The following ARMH3 variants were observed in gnomAD, a reference collection of about 807,000 sequenced individuals.
ARMH3 encodes the protein armadillo like helical domain containing 3.
Under a neutral mutation model 99.1 loss-of-function variants are expected in ARMH3, and 60 were observed. The observed-to-expected ratio is 0.61, with a 90% CI of 0.49 to 0.75. ARMH3 has a LOEUF of 0.75. Among genes scored for constraint, ARMH3 ranks in the 30% least tolerant of loss-of-function variants. The pLI is 0.00. For synonymous variants in ARMH3, 285 were observed against 292.8 expected, an observed-to-expected ratio of 0.97 and a Z score of 0.27; for missense variants, 679 against 843.1, an observed-to-expected ratio of 0.81 and a Z score of 2.41.
chr10:101,921,253 C>A (rs1422207304), intron 23 of ARMH3, among the ~76,000 whole-genome samples: 1 of 152,080 alleles, frequency 6.6e-6, no homozygotes, highest in African/African-American at 2.4e-5. Flanking sequence ...CAAAAGAAGG[C>A]ACACTATATG....
intron 24 of ARMH3, among the ~76,000 whole-genome samples, chr10:101,850,233 G>A (rs2066563386): frequency 6.6e-6 from 1 of 151,258 alleles, no homozygotes; most frequent in South Asian, 2.1e-4. Flanking sequence ...GAGTAGCTGG[G>A]ACGACAGGGG....
intron 24 of ARMH3, among the ~76,000 whole-genome samples, chr10:101,879,141 CT>C (rs1455348014): frequency 6.6e-6 from 1 of 152,116 alleles, no homozygotes; most frequent in Non-Finnish European, 1.5e-5. Flanking sequence ...CTTTCCTGTA[CT>C]TTTTCCTTCA....
At chr10:101,978,118 G>C (rs1473757995) in intron 19 of ARMH3, among the ~76,000 whole-genome samples, 1 of 152,148 alleles carries the variant, frequency 6.6e-6, no homozygotes, top group African/African-American at 2.4e-5. Flanking sequence ...ATTAAAACAT[G>C]ATTCTACTTT....
At chr10:102,005,347 C>T (rs2066458429) in intron 14 of ARMH3, among the ~76,000 whole-genome samples, 1 of 140,714 alleles carries the variant, frequency 7.1e-6, no homozygotes, top group African/African-American at 2.7e-5. Context: ...CACACTACCA[C>T]ACTCTAGCCT....
At chr10:101,850,431 T>C in intron 24 of ARMH3, among the ~76,000 whole-genome samples, 1 of 149,024 alleles carries the variant, frequency 6.7e-6, no homozygotes, top group Non-Finnish European at 1.5e-5. Flanking sequence ...TCTTTTTTTT[T>C]TTTTCCTTTT....
At chr10:102,028,197 T>C (rs987573290) in intron 5 of ARMH3, among the ~76,000 whole-genome samples, 1 of 152,154 alleles carries the variant, frequency 6.6e-6, no homozygotes, top group Non-Finnish European at 1.5e-5. Context: ...ATGTCAAATA[T>C]AGAGTTACCA....
chr10:101,982,884 C>T (rs1846295261), intron 19 of ARMH3, among the ~76,000 whole-genome samples: 3 of 151,906 alleles, frequency 2.0e-5, no homozygotes, highest in South Asian at 2.1e-4. Flanking sequence ...TTATATATTA[C>T]GATGTAATAA....
chr10:101,950,103 T>C (rs1844719358), intron 22 of ARMH3, among the ~76,000 whole-genome samples: 1 of 152,166 alleles, frequency 6.6e-6, no homozygotes, highest in Non-Finnish European at 1.5e-5. Context: ...AAGGCAAGTA[T>C]GTCCATCTTT....
chr10:101,929,686 G>A (rs1305771864), intron 23 of ARMH3, among the ~76,000 whole-genome samples: 5 of 151,880 alleles, frequency 3.3e-5, no homozygotes, highest in African/African-American at 7.3e-5. Context: ...AAGAAATAAC[G>A]CAAAAAATAG....
intron 20 of ARMH3, among the ~76,000 whole-genome samples, chr10:101,971,756 T>A (rs531804014): frequency 6.6e-6 from 1 of 152,192 alleles, no homozygotes; most frequent in Non-Finnish European, 1.5e-5. Flanking sequence ...AAGATGACTG[T>A]AGCTTTCATT....
intron 1 of ARMH3, among the ~76,000 whole-genome samples, chr10:102,053,214 TAAAAAAAAAA>T: frequency 2.0e-5 from 1 of 49,032 alleles, no homozygotes; most frequent in East Asian, 6.1e-4. Context: ...CCTCAGAAGC[TAAAAAAAAAA>T]AAAAAAAAAA....
At chr10:101,866,403 G>T (rs972733636) in intron 24 of ARMH3, among the ~76,000 whole-genome samples, 4 of 150,232 alleles carry the variant, frequency 2.7e-5, no homozygotes, top group African/African-American at 9.8e-5. Flanking sequence ...TGAATTGCTT[G>T]ATATGTACCA....
chr10:101,922,313 C>G (rs1435499721), intron 23 of ARMH3, among the ~76,000 whole-genome samples: 1 of 152,134 alleles, frequency 6.6e-6, no homozygotes, highest in African/African-American at 2.4e-5. Flanking sequence ...CACAATCATA[C>G]CTCATTGCAG....
chr10:101,987,272 C>T (rs1487776963), intron 19 of ARMH3, among the ~76,000 whole-genome samples: 1 of 152,176 alleles, frequency 6.6e-6, no homozygotes, highest in Middle Eastern at 3.2e-3. Flanking sequence ...ATTTTCTAGC[C>T]TCCAAGCACC....
chr10:102,013,942 C>T (rs2066686560), intron 9 of ARMH3, 26 bp downstream of exon 9: 2 of 1,564,876 alleles, frequency 1.3e-6, no homozygotes, highest in Non-Finnish European at 1.7e-6. Flanking sequence ...ATAAGTAAGA[C>T]AATACACAAG....
At chr10:101,894,870 C>CAAAAA (rs140398612) in intron 23 of ARMH3, among the ~76,000 whole-genome samples, 1 of 86,424 alleles carries the variant, frequency 1.2e-5, no homozygotes, top group Non-Finnish European at 2.5e-5. Context: ...GAAACTCTGC[C>CAAAAA]AAAAAAAAAA....
chr10:102,048,713 C>T (rs989276596), intron 1 of ARMH3, among the ~76,000 whole-genome samples: 2 of 152,174 alleles, frequency 1.3e-5, no homozygotes, highest in African/African-American at 4.8e-5. Context: ...GCATGAGCCA[C>T]CGCACCCAGC....
intron 18 of ARMH3, 54 bp from the exon 19 acceptor site, chr10:101,990,665 T>C: frequency 6.9e-7 from 1 of 1,458,128 alleles, no homozygotes; most frequent in Non-Finnish European, 9.6e-7. Flanking sequence ...TCATTTCTTG[T>C]CTTTGAGTTG....
intron 20 of ARMH3, among the ~76,000 whole-genome samples, chr10:101,973,359 C>CAAAAAAA (rs56712768): frequency 9.9e-4 from 79 of 79,536 alleles, no homozygotes; most frequent in Middle Eastern, 6.5e-3. Flanking sequence ...GACTCCGTCT[C>CAAAAAAA]AAAAAAAAAA....
Sources: allele counts gnomAD v4.1 joint callset (sites outside exome capture counted in the v4.1 genomes callset), GRCh38; gene constraint gnomAD v4.1.1; transcripts MANE v1.5; gene names NCBI Gene and HGNC (gene_info 2026-07-23, HGNC 2026-07-21).